NECTIN3: variants seen among roughly 807,000 people sequenced by gnomAD.
The protein encoded by NECTIN3 is nectin-3.
Under a neutral mutation model 49.4 loss-of-function variants are expected in NECTIN3, and 8 were observed. The ratio of observed to expected loss-of-function variants is 0.16; its 90% CI spans 0.10 to 0.29. The LOEUF (loss-of-function observed/expected upper bound fraction) is 0.29. Among genes scored for constraint, NECTIN3 ranks in the 10% least tolerant of loss-of-function variants. NECTIN3 has a pLI of 1.00. For synonymous variants in NECTIN3, 277 were observed against 241.1 expected (o/e 1.15, Z -1.38); for missense variants, 581 against 654.6 (o/e 0.89, Z 1.23).
Position 111,133,353 on chromosome 3 carries a change from A to G in NECTIN3, c.1070-282A>G, listed in dbSNP as rs184647021. On this transcript the variant is annotated intron_variant, in intron 5 of 5. Transcript: ENST00000485303. Reference sequence around the variant, plus strand: ...ATAAGGACCTCTTTTCTGGAGTACAATATCACTCATAAACTTGGAATGGAA... The same window carrying G: ...ATAAGGACCTCTTTTCTGGAGTACAGTATCACTCATAAACTTGGAATGGAA... Among the ~76,000 whole-genome samples, 293 of 152,200 alleles carry G rather than the reference A, an allele frequency of 1.9e-3. 1 individual carries two copies. The highest frequency in any genetic ancestry group is 6.7e-3 in the African/African-American group (277 of 41,540).
intron 7 of NECTIN3, among the ~76,000 whole-genome samples, chr3:111,164,838 A>T (rs557050647): frequency 5.9e-5 from 9 of 152,318 alleles, no homozygotes; most frequent in African/African-American, 1.9e-4. Context: ...ACAGGTACCC[A>T]GGATTAGAAT....
chr3:111,136,397 C>A lies in NECTIN3; in HGVS notation c.*2182C>A. On this transcript the variant is annotated 3_prime_UTR_variant, in exon 6 of 6. Coordinates refer to ENST00000485303, the MANE Select transcript of NECTIN3 (RefSeq NM_015480.3). ...TGTTTGTTTGGCGGGAGAGGGTGACCTGGAAAGCCACAAGTGAGTATTTGA... is the reference window on the plus strand; with the variant it reads ...TGTTTGTTTGGCGGGAGAGGGTGACATGGAAAGCCACAAGTGAGTATTTGA... 3.0e-6 allele frequency: 3 copies of A among 984,386 alleles called. No homozygotes were observed. The highest frequency in any genetic ancestry group is 3.6e-6 in the Non-Finnish European group (3 of 829,342). 61.0% of individuals were successfully genotyped at this position (984,386 alleles called of 1,614,324 possible).
intron 2 of NECTIN3, among the ~76,000 whole-genome samples, chr3:111,117,672 TAAAA>T (rs1433361768): frequency 1.3e-5 from 2 of 151,622 alleles, no homozygotes; most frequent in African/African-American, 2.4e-5. Flanking sequence ...CAGATGGTAT[TAAAA>T]GAACCAACTT....
intron 2 of NECTIN3, among the ~76,000 whole-genome samples, chr3:111,116,159 T>C (rs1284635512): frequency 6.6e-6 from 1 of 152,098 alleles, no homozygotes; most frequent in African/African-American, 2.4e-5. Context: ...CCAGGGCTGA[T>C]TATTTATTTA....
intron 1 of NECTIN3, among the ~76,000 whole-genome samples, chr3:111,108,175 ATTTG>A (rs1472306393): frequency 1.3e-5 from 2 of 151,978 alleles, no homozygotes; most frequent in East Asian, 3.9e-4. Context: ...TTACATTAGT[ATTTG>A]TTTACTAGTA....
At chr3:111,122,328 G>T in intron 4 of NECTIN3, 90 bp downstream of exon 4, 1 of 921,184 alleles carries the variant, frequency 1.1e-6, no homozygotes. Context: ...TATAATACAT[G>T]ATTATAGTAA....
At position 111,134,902 on chromosome 3, in the gene NECTIN3, G is replaced by T; in HGVS notation, c.*687G>T. On this transcript the variant is annotated 3_prime_UTR_variant, in exon 6 of 6. Transcript: ENST00000485303. ...CATGATGTGTGGAAGAGCATAATTA[G>T]CTGGTCAATATTTTTGTCCAAAATA... is the stretch of plus-strand genomic sequence containing the variant. 1.0e-6 allele frequency: 1 copy of T among 983,650 alleles called. No homozygotes were observed. Among genetic ancestry groups the T allele is most frequent in the Non-Finnish European group, 1.2e-6 (1 of 828,660 alleles). The allele number at this position is 983,650 out of a possible 1,614,324, so 60.9% of individuals were successfully genotyped here. A position where few individuals can be genotyped will look rare whatever the true frequency, so the allele number is the denominator to read the frequency against.
chr3:111,075,441 A>G (rs924837329), intron 1 of NECTIN3, among the ~76,000 whole-genome samples: 2 of 152,124 alleles, frequency 1.3e-5, no homozygotes, highest in African/African-American at 2.4e-5. Flanking sequence ...AAGAGATAAC[A>G]TTACTACCTT....
intron 7 of NECTIN3, among the ~76,000 whole-genome samples, chr3:111,157,059 G>A (rs1481214529): frequency 5.9e-5 from 9 of 151,968 alleles, no homozygotes; most frequent in Admixed American, 5.9e-4. Context: ...GTTTATTCTT[G>A]GGCATGTAAA....
intron 1 of NECTIN3, among the ~76,000 whole-genome samples, chr3:111,105,168 G>T: frequency 6.7e-6 from 1 of 148,512 alleles, no homozygotes; most frequent in African/African-American, 2.5e-5. Flanking sequence ...TTTGAGACAG[G>T]GTCTTGCTCT....
At chr3:111,128,808 T>C (rs921780115) in intron 5 of NECTIN3, among the ~76,000 whole-genome samples, 3 of 152,224 alleles carry the variant, frequency 2.0e-5, no homozygotes, top group Non-Finnish European at 4.4e-5. Flanking sequence ...CTTATTTCAC[T>C]ATTACAATAA....
chr3:111,072,470 C>T (rs1222281569), intron 1 of NECTIN3: 2 of 1,535,676 alleles, frequency 1.3e-6, no homozygotes, highest in African/African-American at 1.4e-5. Context: ...CGGGTTTGCT[C>T]CGGGGACCGT....
At chr3:111,162,735 T>G (rs548750252) in intron 7 of NECTIN3, among the ~76,000 whole-genome samples, 78 of 152,270 alleles carry the variant, frequency 5.1e-4, no homozygotes, top group African/African-American at 1.8e-3. Context: ...TCTCTCAGCT[T>G]CCATTAATAT....
At chr3:111,182,267 A>G (rs758465610) in intron 7 of NECTIN3, among the ~76,000 whole-genome samples, 80 of 152,204 alleles carry the variant, frequency 5.3e-4, no homozygotes, top group Non-Finnish European at 4.1e-4. Flanking sequence ...GTCTTAGTGA[A>G]TGTTTTTATG....
intron 7 of NECTIN3, among the ~76,000 whole-genome samples, chr3:111,158,463 C>A (rs1204071420): frequency 6.6e-6 from 1 of 152,010 alleles, no homozygotes; most frequent in Non-Finnish European, 1.5e-5. Context: ...TGTTTGAAAC[C>A]TTTCAAATGC....
At position 111,136,654 on chromosome 3, in the gene NECTIN3, A is replaced by G; in HGVS notation, c.*2439A>G. The G allele has an allele frequency of 1.1e-6, 1 of 906,526 alleles. No individual in the cohort carries two copies. 56.2% of individuals were successfully genotyped at this position (906,526 alleles called of 1,614,324 possible). On this transcript the variant is annotated 3_prime_UTR_variant, in exon 6 of 6. Coordinates refer to ENST00000485303, the MANE Select transcript of NECTIN3 (RefSeq NM_015480.3). Reference sequence around the variant, plus strand: ...ATATTCATAACTACTTGACAGGTATATATGAAAATTCTACTATCGTGAAAA... The same window carrying G: ...ATATTCATAACTACTTGACAGGTATGTATGAAAATTCTACTATCGTGAAAA...
intron 1 of NECTIN3, among the ~76,000 whole-genome samples, chr3:111,086,791 A>C (rs892973316): frequency 2.0e-5 from 3 of 152,106 alleles, no homozygotes; most frequent in Non-Finnish European, 4.4e-5. Flanking sequence ...GCAGTTCATT[A>C]AATTTATATG....
At chr3:111,141,238 G>A (rs1220474444), downstream of NECTIN3, among the ~76,000 whole-genome samples, 1 of 151,906 alleles carries the variant, frequency 6.6e-6, no homozygotes, top group Non-Finnish European at 1.5e-5. Context: ...GATTATTTAT[G>A]GGGGAAAATT....
At chr3:111,084,040 G>T (rs2031786364) in intron 1 of NECTIN3, among the ~76,000 whole-genome samples, 1 of 152,182 alleles carries the variant, frequency 6.6e-6, no homozygotes, top group African/African-American at 2.4e-5. Flanking sequence ...GAAGCTCATT[G>T]ATACGGCAAG....
Sources: allele counts gnomAD v4.1 joint callset (sites outside exome capture counted in the v4.1 genomes callset), GRCh38; gene constraint gnomAD v4.1.1; transcripts MANE v1.5; gene names NCBI Gene and HGNC (gene_info 2026-07-23, HGNC 2026-07-21).